ERC2: variants seen among roughly 807,000 people sequenced by gnomAD.
The protein encoded by ERC2 is ELKS/RAB6-interacting/CAST family member 2, also known as ERC protein 2.
A neutral mutation model predicts 114.8 loss-of-function variants in ERC2; 42 were observed. That is an observed-to-expected ratio of 0.37 (90% confidence interval 0.29 to 0.47). The LOEUF (loss-of-function observed/expected upper bound fraction) is 0.47, where lower values mean the gene tolerates loss of function less well. Among genes scored for constraint, ERC2 ranks in the 20% least tolerant of loss-of-function variants. ERC2 has a pLI of 0.99. For synonymous variants in ERC2, 454 were observed against 425.5 expected (o/e 1.07, Z -0.82); for missense variants, 939 against 1,150.7 (o/e 0.82, Z 2.66).
intron 14 of ERC2, among the ~76,000 whole-genome samples, chr3:55,810,222 T>G (rs4974146): frequency 0.2 from 30,420 of 152,016 alleles, 3,233 homozygotes; most frequent in Middle Eastern, 0.29. Flanking sequence ...AAATCCAAAA[T>G]ATAAAGATAA....
intron 17 of ERC2, among the ~76,000 whole-genome samples, chr3:55,663,779 C>G (rs1435699506): frequency 6.6e-6 from 1 of 152,134 alleles, no homozygotes; most frequent in Non-Finnish European, 1.5e-5. Context: ...AACTAAGTGG[C>G]TAAGTAAATA....
At chr3:55,554,845 C>T (rs1482128210) in intron 17 of ERC2, among the ~76,000 whole-genome samples, 1 of 152,126 alleles carries the variant, frequency 6.6e-6, no homozygotes, top group East Asian at 1.9e-4. Flanking sequence ...TGGCAAATAT[C>T]TCTCTTCCCA....
intron 10 of ERC2, among the ~76,000 whole-genome samples, chr3:56,001,494 T>C (rs540324174): frequency 4.6e-5 from 7 of 152,002 alleles, no homozygotes; most frequent in African/African-American, 1.2e-4. Context: ...GCCAAACCAA[T>C]GGGTTAGTTT....
chr3:55,842,812 C>T (rs1237588586), intron 14 of ERC2, among the ~76,000 whole-genome samples: 2 of 151,946 alleles, frequency 1.3e-5, no homozygotes, highest in African/African-American at 4.8e-5. Context: ...AACCAAGAAA[C>T]GATCAAACGT....
chr3:56,415,924 G>A (rs368144207), intron 2 of ERC2, among the ~76,000 whole-genome samples: 1 of 152,044 alleles, frequency 6.6e-6, no homozygotes, highest in African/African-American at 2.4e-5. Flanking sequence ...TCATCAAATC[G>A]CACTCATGAG....
chr3:55,907,923 A>G (rs1473033860), intron 13 of ERC2, among the ~76,000 whole-genome samples: 1 of 152,214 alleles, frequency 6.6e-6, no homozygotes, highest in Non-Finnish European at 1.5e-5. Context: ...CACCTCTGCT[A>G]CAGAAGAGGC....
intron 3 of ERC2, among the ~76,000 whole-genome samples, chr3:56,289,211 C>A (rs2054921494): frequency 6.6e-6 from 1 of 152,150 alleles, no homozygotes; most frequent in Non-Finnish European, 1.5e-5. Context: ...GCACACAGGT[C>A]TACAGCAGTT....
At chr3:55,672,732 C>A (rs767073702) in intron 17 of ERC2, among the ~76,000 whole-genome samples, 20 of 152,282 alleles carry the variant, frequency 1.3e-4, no homozygotes, top group Non-Finnish European at 2.4e-4. Context: ...CTGAAGGCCC[C>A]CTCAGTGTTT....
chr3:56,457,664 C>T (rs1003906839), intron 1 of ERC2, among the ~76,000 whole-genome samples: 1 of 152,124 alleles, frequency 6.6e-6, no homozygotes, highest in Non-Finnish European at 1.5e-5. Context: ...GCTCCTCTCA[C>T]CATCCCTCAT....
chr3:55,691,559 AAAAAAAAAAAAAAAATAT>A (rs1462259775), intron 16 of ERC2, among the ~76,000 whole-genome samples: 32 of 79,436 alleles, frequency 4.0e-4, no homozygotes, highest in African/African-American at 1.3e-3. Context: ...AAAAAAAAAA[AAAAAAAAAAAAAAAATAT>A]ATATATATAT....
In ERC2 at chr3:56,343,192, T is replaced by TCACACACACACACA. The variant is rs61632315; in HGVS notation, c.658-46771_658-46758dup. Among the ~76,000 whole-genome samples, 543 of 126,168 alleles carry TCACACACACACACA rather than the reference T, an allele frequency of 4.3e-3. 7 individuals carry two copies. Among genetic ancestry groups the TCACACACACACACA allele is most frequent in the Admixed American group, 0.014 (162 of 11,990 alleles). The allele number at this position is 126,168 out of a possible 152,430, so 82.8% of individuals were successfully genotyped here. A position where few individuals can be genotyped will look rare whatever the true frequency, so the allele number is the denominator to read the frequency against. Reference sequence around the variant, plus strand: ...TTCTCTCTCTCTCTCTCTCTCTCTCTCACACACACACACACACAAACACAC... The same window carrying TCACACACACACACA: ...TTCTCTCTCTCTCTCTCTCTCTCTCTCACACACACACACACACACACACACACACACAAACACAC... On this transcript the variant is annotated intron_variant, in intron 2 of 17. Transcript: ENST00000288221.
At chr3:56,288,179 C>T (rs73086422) in intron 3 of ERC2, among the ~76,000 whole-genome samples, 9,443 of 152,198 alleles carry the variant, frequency 0.062, 715 homozygotes, top group African/African-American at 0.18. Flanking sequence ...ATGAAACATG[C>T]TAACATACTC....
At chr3:55,769,428 AG>A (rs2149019900) in intron 14 of ERC2, among the ~76,000 whole-genome samples, 1 of 151,918 alleles carries the variant, frequency 6.6e-6, no homozygotes, top group African/African-American at 2.4e-5. Context: ...AGCACATCTT[AG>A]GGGGAACATC....
intron 12 of ERC2, among the ~76,000 whole-genome samples, chr3:55,958,212 G>C (rs1054987799): frequency 6.6e-6 from 1 of 152,132 alleles, no homozygotes; most frequent in African/African-American, 2.4e-5. Flanking sequence ...CTGGCTACTC[G>C]TGGCAGGTAG....
chr3:55,807,843 G>T (rs957051541), intron 14 of ERC2, among the ~76,000 whole-genome samples: 1 of 151,994 alleles, frequency 6.6e-6, no homozygotes, highest in African/African-American at 2.4e-5. Context: ...GGCTTCTTTG[G>T]GCTTATTTAG....
intron 12 of ERC2, among the ~76,000 whole-genome samples, chr3:55,984,446 C>G (rs1293672188): frequency 6.6e-6 from 1 of 152,036 alleles, no homozygotes; most frequent in Non-Finnish European, 1.5e-5. Context: ...TTAAGAGGTA[C>G]AGGTTAGGGC....
At chr3:56,228,432 A>G (rs940188654) in intron 3 of ERC2, among the ~76,000 whole-genome samples, 4 of 152,328 alleles carry the variant, frequency 2.6e-5, no homozygotes, top group Middle Eastern at 3.4e-3. Context: ...TGACTGCTCT[A>G]AGTACTTCAT....
intron 17 of ERC2, among the ~76,000 whole-genome samples, chr3:55,559,020 C>A (rs1261162642): frequency 2.0e-5 from 3 of 152,230 alleles, no homozygotes; most frequent in Non-Finnish European, 4.4e-5. Context: ...GCTGAGAGAG[C>A]AGGAGACCCA....
chr3:56,438,817 G>A (rs1000379403), intron 1 of ERC2, among the ~76,000 whole-genome samples: 1 of 152,168 alleles, frequency 6.6e-6, no homozygotes, highest in African/African-American at 2.4e-5. Context: ...TTAATCCTCA[G>A]TGAATTTACC....
Sources: allele counts gnomAD v4.1 joint callset (sites outside exome capture counted in the v4.1 genomes callset), GRCh38; gene constraint gnomAD v4.1.1; transcripts MANE v1.5; gene names NCBI Gene and HGNC (gene_info 2026-07-23, HGNC 2026-07-21).